Variants in PDLIM7 observed in about 807,000 individuals in gnomAD.
PDLIM7 encodes the protein PDZ and LIM domain 7.
Under a neutral mutation model 53.9 loss-of-function variants are expected in PDLIM7, and 37 were observed. The ratio of observed to expected loss-of-function variants is 0.69; its 90% CI spans 0.53 to 0.90. The LOEUF (loss-of-function observed/expected upper bound fraction) is 0.90, where lower values mean the gene tolerates loss of function less well. Ranked by LOEUF, PDLIM7 falls within the 40% of genes least tolerant of loss-of-function variation. The pLI is 0.00. For missense variants in PDLIM7, 617 were observed against 638.5 expected (o/e 0.97, Z 0.36); for synonymous variants, 300 against 261.3 (o/e 1.15, Z -1.43).
Position 177,492,530 on chromosome 5 carries a change from T to C in PDLIM7, c.244A>G (p.Ser82Gly), listed in dbSNP as rs775481718. 1.8e-5 allele frequency: 29 copies of C among 1,613,606 alleles called. No individual in the cohort carries two copies. The highest frequency in any genetic ancestry group is 2.4e-5 in the Non-Finnish European group (28 of 1,179,760). Residue 82 changes from serine (S) to glycine (G), a missense_variant, in exon 3 of 13, where the codon AGC becomes GGC. Ser to Gly is a moderately conservative substitution (Grantham distance 56, BLOSUM62 0). Coordinates refer to ENST00000355841, the MANE Select transcript of PDLIM7 (RefSeq NM_005451.5). ...ACGERLSLGL[S>G]RAQPVQSKPQ... ...CATCCATGTCCACCCGCATACCTGC[T>C]GAGGCCCAGGCTGAGGCGCTCCCCG...
In PDLIM7 at chr5:177,492,519, CGCATACCT is replaced by C; in HGVS notation, c.247_248+6del. The C allele has an allele frequency of 6.2e-7, 1 of 1,613,686 alleles. No individual in the cohort carries two copies. The highest frequency in any genetic ancestry group is 8.5e-7 in the Non-Finnish European group (1 of 1,179,764). ...GCGGGCGCACCCATCCATGTCCACC[CGCATACCT>C]GCTGAGGCCCAGGCTGAGGCGCTCC... is the stretch of plus-strand genomic sequence containing the variant. On this transcript the variant is annotated splice_donor_variant and splice_donor_5th_base_variant and coding_sequence_variant and intron_variant, in exon 3 of 13. Transcript: ENST00000355841. LOFTEE classifies it high-confidence loss of function.
At chr5:177,491,347 G>C in intron 5 of PDLIM7, 1 of 1,544,238 alleles carries the variant, frequency 6.5e-7, no homozygotes, top group South Asian at 1.2e-5. Flanking sequence ...GGGAGGGGCC[G>C]CCACCCAGAG....
chr5:177,493,825 G>A (rs1052310086), intron 2 of PDLIM7, among the ~76,000 whole-genome samples: 3 of 152,144 alleles, frequency 2.0e-5, no homozygotes, highest in Non-Finnish European at 4.4e-5. Context: ...CTGGGTGGGG[G>A]GGATCTGGGG....
intron 10 of PDLIM7, among the ~76,000 whole-genome samples, chr5:177,485,702 C>T (rs1038850807): frequency 1.3e-5 from 2 of 152,204 alleles, no homozygotes; most frequent in African/African-American, 4.8e-5. Context: ...AAAGAGAAAT[C>T]TGCTGGGCGC....
At chr5:177,487,296 A>G (rs1190862339) in intron 10 of PDLIM7, among the ~76,000 whole-genome samples, 1 of 152,214 alleles carries the variant, frequency 6.6e-6, no homozygotes, top group Non-Finnish European at 1.5e-5. Flanking sequence ...CCCAAAATAA[A>G]GACTATATTT....
chr5:177,488,124 A>G lies in PDLIM7; in HGVS notation c.994T>C (p.Cys332Arg). The G allele has an allele frequency of 6.2e-7, 1 of 1,613,170 alleles. No homozygotes were observed. Among genetic ancestry groups the G allele is most frequent in the Non-Finnish European group, 8.5e-7 (1 of 1,179,872 alleles). Reference protein sequence around the residue: ...EEKGAIFCPPCYDVRYAPSCA... With the variant: ...EEKGAIFCPPRYDVRYAPSCA... ...CTGGGTGCATAGCGCACGTCATAGC[A>G]TGGTGGGCAGAAGATGGCGCCCTTC... is the stretch of plus-strand genomic sequence containing the variant. Residue 332 changes from cysteine (C) to arginine (R), a missense_variant, in exon 10 of 13, where the codon TGC becomes CGC. Cys to Arg is a radical substitution (Grantham distance 180). Coordinates refer to ENST00000355841, the MANE Select transcript of PDLIM7 (RefSeq NM_005451.5).
At position 177,489,619 on chromosome 5, in the gene PDLIM7, C is replaced by T. The variant is rs765938178; in HGVS notation, c.643G>A (p.Ala215Thr). ...GGCGGGCGGCTGGTAGGGCTGGGGG[C>T]GGTAGGGCCTGCCGGGGAAAGTGAC... The part of the protein sequence containing the change: ...TPQEPWPGPT[A>T]PSPTSRPPWA... Residue 215 changes from alanine to threonine, a missense_variant, in exon 9 of 13, where the codon GCC becomes ACC. By Grantham distance (58) the Ala-to-Thr change is moderately conservative (BLOSUM62 0). Coordinates refer to ENST00000355841, the MANE Select transcript of PDLIM7 (RefSeq NM_005451.5). 1.1e-4 allele frequency: 169 copies of T among 1,595,166 alleles called. 1 individual carries two copies. In the Middle Eastern group the frequency reaches 1.3e-3, roughly 13 times the overall value.
chr5:177,483,444 G>A lies in PDLIM7; in HGVS notation c.*200C>T. The A allele has an allele frequency of 3.6e-6, 2 of 549,870 alleles. No individual in the cohort carries two copies. Among genetic ancestry groups the A allele is most frequent in the Non-Finnish European group, 3.2e-6 (1 of 309,122 alleles). The allele number at this position is 549,870 out of a possible 1,614,324, so 34.1% of individuals were successfully genotyped here. A position where few individuals can be genotyped will look rare whatever the true frequency, so the allele number is the denominator to read the frequency against. On this transcript the variant is annotated 3_prime_UTR_variant, in exon 13 of 13. Transcript: ENST00000355841. ...GCACTGGAGGTGAAAGGGGGCTGGT[G>A]TGGCCAGCACCGGTGTGCTGTGGTG...
At chr5:177,490,428 AG>A in intron 7 of PDLIM7, 1 of 1,523,262 alleles carries the variant, frequency 6.6e-7, no homozygotes, top group Non-Finnish European at 8.8e-7. Flanking sequence ...GGAGGCACTA[AG>A]GGGGTGCCCT....
Position 177,492,646 on chromosome 5 carries a change from C to G in PDLIM7, c.128G>C (p.Gly43Ala), listed in dbSNP as rs527780465. ...LTPGGKAAQA[G>A]VAVGDWVLSI... is the part of the protein sequence containing the mutation. ...CAGCACCCAGTCACCCACGGCCACTCCGGCCTGCGCCGCTTTGCCCCCAGG... is the reference window on the plus strand; with the variant it reads ...CAGCACCCAGTCACCCACGGCCACTGCGGCCTGCGCCGCTTTGCCCCCAGG... Residue 43 changes from glycine (G) to alanine (A), a missense_variant, in exon 3 of 13, where the codon GGA becomes GCA. Physicochemically the swap from Gly to Ala is moderately conservative, Grantham distance 60. Transcript: ENST00000355841. 1 of 1,607,616 alleles carries G rather than the reference C, an allele frequency of 6.2e-7. No individual in the cohort carries two copies. The highest frequency in any genetic ancestry group is 2.2e-5 in the East Asian group (1 of 44,888).
intron 7 of PDLIM7, 197 bp from the exon 8 acceptor site, chr5:177,490,029 T>C (rs781568124): frequency 4.4e-5 from 67 of 1,531,342 alleles, no homozygotes; most frequent in South Asian, 3.0e-4. Context: ...GTGCGGTCTC[T>C]AGCTGGGAGA....
intron 8 of PDLIM7, 26 bp downstream of exon 8, chr5:177,489,745 C>T: frequency 6.6e-7 from 1 of 1,512,532 alleles, no homozygotes; most frequent in Middle Eastern, 1.7e-4. Context: ...CCACCCTTGC[C>T]CAGGCCCGAG....
rs573419087 is a variant in PDLIM7 at position 177,488,569 on chromosome 5, G to A, written c.870-321C>T. 8.5e-5 allele frequency among the ~76,000 whole-genome samples: 13 copies of A among 152,298 alleles called. No homozygotes were observed. In the East Asian group the frequency reaches 2.5e-3, roughly 29 times the overall value. On this transcript the variant is annotated intron_variant, in intron 9 of 12. Coordinates refer to ENST00000355841, the MANE Select transcript of PDLIM7 (RefSeq NM_005451.5). ...AACCCTGGAGCTGCCCTGTCCTGCT[G>A]GCCTGCCTGTTCTACCTGGCAAGAG...
At chr5:177,484,459 G>A in intron 10 of PDLIM7, 1 of 437,768 alleles carries the variant, frequency 2.3e-6, no homozygotes. Flanking sequence ...CACGCGGATG[G>A]CAACTCCATT....
At chr5:177,488,038 A>C (rs755482111) in intron 10 of PDLIM7, 30 bp downstream of exon 10, 1 of 1,552,306 alleles carries the variant, frequency 6.4e-7, no homozygotes. Context: ...CAGGCTTGGG[A>C]CCACCTCCCC....
At chr5:177,490,386 G>C in intron 7 of PDLIM7, 1 of 1,480,782 alleles carries the variant, frequency 6.8e-7, no homozygotes, top group Non-Finnish European at 8.9e-7. Context: ...CAGGCCAGGG[G>C]CACGAAAGGG....
chr5:177,491,285 C>G (rs543841723), intron 5 of PDLIM7, 139 bp from the exon 6 acceptor site: 1 of 1,434,530 alleles, frequency 7.0e-7, no homozygotes, highest in East Asian at 2.4e-5. Flanking sequence ...CCCTGCTGGG[C>G]GGGTAGGTGA....
chr5:177,492,819 G>C (rs1331221193), intron 2 of PDLIM7, 142 bp from the exon 3 acceptor site: 1 of 898,270 alleles, frequency 1.1e-6, no homozygotes, highest in African/African-American at 1.7e-5. Flanking sequence ...CTAGGCAGCT[G>C]CTGGACACTA....
intron 2 of PDLIM7, among the ~76,000 whole-genome samples, chr5:177,494,658 C>A (rs1335611548): frequency 3.3e-5 from 5 of 152,036 alleles, no homozygotes; most frequent in Non-Finnish European, 7.4e-5. Context: ...AGCAGGAGAG[C>A]AGAAGACAGC....
Sources: allele counts gnomAD v4.1 joint callset (sites outside exome capture counted in the v4.1 genomes callset), GRCh38; gene constraint gnomAD v4.1.1; transcripts MANE v1.5; gene names NCBI Gene and HGNC (gene_info 2026-07-23, HGNC 2026-07-21).